The following TNS3 variants were observed in gnomAD, a reference collection of about 807,000 sequenced individuals.
TNS3 encodes the protein tensin 3, also known as tensin-3.
Under a neutral mutation model 140.9 loss-of-function variants are expected in TNS3, and 45 were observed. The ratio of observed to expected loss-of-function variants is 0.32; its 90% CI spans 0.25 to 0.41. The LOEUF is 0.41. Ranked by LOEUF, TNS3 falls within the 10% of genes least tolerant of loss-of-function variation. TNS3 has a pLI of 1.00. For missense variants in TNS3, 1,716 were observed against 1,906.7 expected, an observed-to-expected ratio of 0.90 and a Z score of 1.86; for synonymous variants, 815 against 788.4, an observed-to-expected ratio of 1.03 and a Z score of -0.56.
chr7:47,426,097 A>C (rs1463249868), intron 9 of TNS3, among the ~76,000 whole-genome samples: 2 of 152,194 alleles, frequency 1.3e-5, no homozygotes, highest in African/African-American at 4.8e-5. Flanking sequence ...CCTGTCCAAC[A>C]TGGTGAAACC....
At chr7:47,501,220 G>A (rs13307781) in intron 3 of TNS3, among the ~76,000 whole-genome samples, 8 of 150,618 alleles carry the variant, frequency 5.3e-5, no homozygotes, top group African/African-American at 2.0e-4. Flanking sequence ...GAGGGAGGGA[G>A]AAAGGAAGAG....
At chr7:47,580,773 T>G (rs908355134) in intron 1 of TNS3, among the ~76,000 whole-genome samples, 2 of 152,098 alleles carry the variant, frequency 1.3e-5, no homozygotes, top group Admixed American at 6.6e-5. Flanking sequence ...TTTAAAAAAT[T>G]AATATGCACA....
intron 20 of TNS3, among the ~76,000 whole-genome samples, chr7:47,313,013 G>A (rs1333721181): frequency 6.6e-6 from 1 of 152,212 alleles, no homozygotes; most frequent in South Asian, 2.1e-4. Flanking sequence ...TGCGTGTCCT[G>A]CTTGTGTCAG....
chr7:47,497,719 T>G (rs1255854865), intron 3 of TNS3, among the ~76,000 whole-genome samples: 3 of 135,020 alleles, frequency 2.2e-5, no homozygotes, highest in Non-Finnish European at 4.9e-5. Flanking sequence ...GTTCACCGCG[T>G]GCTCTTTTCT....
rs114113859 is a variant in TNS3, at chr7:47,556,578, G to T, written c.-265+25473C>A. Reference sequence around the variant, plus strand: ...GGCGAGCATGATTATTATTTTGTTGGTTGTTTGACTTTTCTTTCCCTAAGC... The same window carrying T: ...GGCGAGCATGATTATTATTTTGTTGTTTGTTTGACTTTTCTTTCCCTAAGC... On this transcript the variant is annotated intron_variant, in intron 1 of 30. Transcript: ENST00000311160. Among the ~76,000 whole-genome samples, 1,037 of 152,302 alleles carry T rather than the reference G, an allele frequency of 6.8e-3. 10 individuals are homozygous for T. The highest frequency in any genetic ancestry group is 0.024 in the African/African-American group (1,000 of 41,560).
At chr7:47,390,050 C>G (rs1298735008) in intron 16 of TNS3, among the ~76,000 whole-genome samples, 1 of 152,216 alleles carries the variant, frequency 6.6e-6, no homozygotes, top group Non-Finnish European at 1.5e-5. Context: ...TGGCTGAATA[C>G]CATGCAAAGA....
chr7:47,320,899 G>C (rs1489406660), intron 20 of TNS3, among the ~76,000 whole-genome samples: 1 of 152,218 alleles, frequency 6.6e-6, no homozygotes, highest in East Asian at 1.9e-4. Flanking sequence ...AATCTGCCAA[G>C]TTAGGGCATG....
intron 17 of TNS3, among the ~76,000 whole-genome samples, chr7:47,363,335 C>T: frequency 6.6e-6 from 1 of 152,166 alleles, no homozygotes; most frequent in East Asian, 1.9e-4. Flanking sequence ...GTGATCATCA[C>T]CACCATCAGC....
intron 13 of TNS3, among the ~76,000 whole-genome samples, chr7:47,402,324 G>A (rs1001977138): frequency 6.6e-6 from 1 of 152,234 alleles, no homozygotes; most frequent in Non-Finnish European, 1.5e-5. Context: ...CTGGCCAGCG[G>A]TGCTGTAAAC....
intron 9 of TNS3, among the ~76,000 whole-genome samples, chr7:47,427,457 A>G (rs1350918999): frequency 1.3e-5 from 2 of 152,248 alleles, no homozygotes; most frequent in Non-Finnish European, 2.9e-5. Context: ...CTCAGAATGG[A>G]AAGTTCAGGC....
At chr7:47,322,493 G>C (rs1787800126) in intron 20 of TNS3, among the ~76,000 whole-genome samples, 1 of 152,028 alleles carries the variant, frequency 6.6e-6, no homozygotes, top group Non-Finnish European at 1.5e-5. Context: ...CTGCACTCCA[G>C]CCTGGGTGAC....
At chr7:47,422,613 A>AAAAAAAG (rs1223837295) in intron 10 of TNS3, among the ~76,000 whole-genome samples, 2 of 139,414 alleles carry the variant, frequency 1.4e-5, no homozygotes, top group East Asian at 4.0e-4. Flanking sequence ...ACTCTGTTTC[A>AAAAAAAG]AAAAAAGAAA....
intron 1 of TNS3, among the ~76,000 whole-genome samples, chr7:47,565,049 C>G (rs1800399343): frequency 6.6e-6 from 1 of 151,968 alleles, no homozygotes; most frequent in African/African-American, 2.4e-5. Context: ...TATAAAGACA[C>G]TGGCCTCCAG....
rs76637739 is a variant in TNS3, at chr7:47,368,708, A to T, written c.1938T>A (p.Gly646=). Residue 646 remains glycine, a synonymous_variant, in exon 17 of 31, where the codon GGT becomes GGA. Transcript: ENST00000311160. ...CAGGGGGATGTGGCCCACTGCCTAC[A>T]CCCCTCTGGACAGCCACCCTACTGC... ...GTSSRVAVQR[G]VGSGPHPPDT... is the part of the protein sequence containing the mutation. The T allele has an allele frequency of 6.3e-7, 1 of 1,577,684 alleles. No homozygotes were observed. The highest frequency in any genetic ancestry group is 8.6e-7 in the Non-Finnish European group (1 of 1,161,486).
At chr7:47,299,812 T>G (rs1025677585) in intron 23 of TNS3, among the ~76,000 whole-genome samples, 1 of 152,224 alleles carries the variant, frequency 6.6e-6, no homozygotes, top group African/African-American at 2.4e-5. Context: ...GTCCACACAC[T>G]GCACACAGCA....
At chr7:47,567,030 C>CAAAAA (rs541987899) in intron 1 of TNS3, among the ~76,000 whole-genome samples, 3 of 98,716 alleles carry the variant, frequency 3.0e-5, no homozygotes, top group South Asian at 3.3e-4. Context: ...GACTCCATCT[C>CAAAAA]AAAAAAAAAA....
chr7:47,522,465 T>C (rs1799017610), intron 2 of TNS3, among the ~76,000 whole-genome samples: 1 of 152,174 alleles, frequency 6.6e-6, no homozygotes, highest in African/African-American at 2.4e-5. Flanking sequence ...TGACACCTCC[T>C]GTCCACAGGG....
At chr7:47,539,945 C>T (rs562996678) in intron 1 of TNS3, among the ~76,000 whole-genome samples, 1 of 152,238 alleles carries the variant, frequency 6.6e-6, no homozygotes, top group South Asian at 2.1e-4. Context: ...TCTGGGGATG[C>T]GAAGGGACTC....
At chr7:47,340,160 G>A (rs1353703575) in intron 20 of TNS3, among the ~76,000 whole-genome samples, 4 of 109,436 alleles carry the variant, frequency 3.7e-5, no homozygotes, top group Non-Finnish European at 5.0e-5. Context: ...AGTCTAGCTC[G>A]TCGCCAGGCT....
Sources: allele counts gnomAD v4.1 joint callset (sites outside exome capture counted in the v4.1 genomes callset), GRCh38; gene constraint gnomAD v4.1.1; transcripts MANE v1.5; gene names NCBI Gene and HGNC (gene_info 2026-07-23, HGNC 2026-07-21).